PRKN: variants seen among roughly 807,000 people sequenced by gnomAD.
PRKN encodes parkin RBR E3 ubiquitin protein ligase.
Under a neutral mutation model 59.5 loss-of-function variants are expected in PRKN, and 56 were observed. The ratio of observed to expected loss-of-function variants is 0.94; its 90% CI spans 0.76 to 1.18. The LOEUF (loss-of-function observed/expected upper bound fraction) is 1.18, where lower values mean the gene tolerates loss of function less well. Ranked by LOEUF, PRKN falls within the 50% of genes most tolerant of loss-of-function variation. The pLI is 0.00. For missense variants in PRKN, 657 were observed against 596.4 expected, an observed-to-expected ratio of 1.10 and a Z score of -1.06; for synonymous variants, 250 against 222.1, an observed-to-expected ratio of 1.13 and a Z score of -1.12.
chr6:161,830,266 T>C (rs1583217879), intron 6 of PRKN, among the ~76,000 whole-genome samples: 1 of 151,924 alleles, frequency 6.6e-6, no homozygotes, highest in East Asian at 1.9e-4. Flanking sequence ...TGTTTTTTTT[T>C]TTTGAGATGG....
At chr6:162,204,262 T>C (rs962260032) in intron 3 of PRKN, among the ~76,000 whole-genome samples, 1 of 152,220 alleles carries the variant, frequency 6.6e-6, no homozygotes, top group Non-Finnish European at 1.5e-5. Context: ...CAATAAAAAA[T>C]ATTGGGGATT....
At chr6:162,309,514 C>A (rs560947320) in intron 2 of PRKN, among the ~76,000 whole-genome samples, 1 of 152,288 alleles carries the variant, frequency 6.6e-6, no homozygotes, top group Non-Finnish European at 1.5e-5. Flanking sequence ...ATAGGATCAG[C>A]TGCCTTCTTG....
chr6:162,631,797 G>A (rs1783118697), intron 1 of PRKN, among the ~76,000 whole-genome samples: 1 of 151,896 alleles, frequency 6.6e-6, no homozygotes, highest in African/African-American at 2.4e-5. Flanking sequence ...TTCCTAAGTT[G>A]TCTTTCAGAA....
chr6:162,019,227 T>A (rs937615829), intron 5 of PRKN, among the ~76,000 whole-genome samples: 2 of 152,184 alleles, frequency 1.3e-5, no homozygotes, highest in Admixed American at 6.5e-5. Flanking sequence ...AAGTGCCAAG[T>A]CTCTCCCTAA....
At chr6:161,365,960 ACCTGCAAGGATATG>A (rs1211284165) in intron 10 of PRKN, among the ~76,000 whole-genome samples, 3 of 152,202 alleles carry the variant, frequency 2.0e-5, no homozygotes, top group Non-Finnish European at 2.9e-5. Context: ...TTCTGTTTTC[ACCTGCAAGGATATG>A]TACCCTTATC....
At chr6:162,051,732 G>A (rs1290709882) in intron 5 of PRKN, among the ~76,000 whole-genome samples, 2 of 152,040 alleles carry the variant, frequency 1.3e-5, no homozygotes, top group Non-Finnish European at 2.9e-5. Flanking sequence ...CATCCTGGTG[G>A]GGCAGCTGCC....
At chr6:162,532,170 G>GTCTACAATCCCTAACAGAACCTTT (rs1778541445) in intron 1 of PRKN, among the ~76,000 whole-genome samples, 4 of 151,532 alleles carry the variant, frequency 2.6e-5, no homozygotes, top group South Asian at 2.1e-4. Context: ...CCTCTCTCCA[G>GTCTACAATCCCTAACAGAACCTTT]ATAGCACAAA....
At chr6:162,164,288 A>G (rs1455241975) in intron 4 of PRKN, among the ~76,000 whole-genome samples, 2 of 148,978 alleles carry the variant, frequency 1.3e-5, no homozygotes, top group African/African-American at 5.1e-5. Flanking sequence ...CAGTGGCACT[A>G]TCTCGGCTCT....
Position 161,353,425 on chromosome 6 carries a change from C to A in PRKN, c.1286-3214G>T, listed in dbSNP as rs1188706659. 8.5e-5 allele frequency among the ~76,000 whole-genome samples: 13 copies of A among 152,174 alleles called. No homozygotes were observed. ...GTGAGATCAAAGCCTTTCTGTCCCA[C>A]CGCATTTCAACACGGCTGTCCATGC... is the stretch of plus-strand genomic sequence containing the variant. On this transcript the variant is annotated intron_variant, in intron 11 of 11. Transcript: ENST00000366898. This position sits in a 1 kb window ranked among gnomAD's most constrained non-coding sequence, Gnocchi z 4.8.
At chr6:162,586,788 G>A (rs1343168852) in intron 1 of PRKN, among the ~76,000 whole-genome samples, 2 of 152,214 alleles carry the variant, frequency 1.3e-5, no homozygotes, top group African/African-American at 4.8e-5. Context: ...GAGAGAGACA[G>A]AATAAATTAG....
At chr6:161,519,181 C>T (rs907690468) in intron 9 of PRKN, among the ~76,000 whole-genome samples, 6 of 151,316 alleles carry the variant, frequency 4.0e-5, no homozygotes, top group Non-Finnish European at 7.4e-5. Flanking sequence ...CCTTTCCAAG[C>T]TGGGGAAGTA....
At chr6:161,509,333 A>G (rs149189995) in intron 9 of PRKN, among the ~76,000 whole-genome samples, 1 of 152,172 alleles carries the variant, frequency 6.6e-6, no homozygotes, top group East Asian at 1.9e-4. Context: ...CTGTTTATTC[A>G]TCCTCGCAGA....
At chr6:161,886,247 AATACAGATTT>A (rs1359449361) in intron 6 of PRKN, among the ~76,000 whole-genome samples, 1 of 152,242 alleles carries the variant, frequency 6.6e-6, no homozygotes, top group Non-Finnish European at 1.5e-5. Context: ...AATTCGACGA[AATACAGATTT>A]ACTGATAAAT....
chr6:162,519,702 T>G (rs918351420), intron 1 of PRKN, among the ~76,000 whole-genome samples: 27 of 152,216 alleles, frequency 1.8e-4, no homozygotes, highest in Admixed American at 1.4e-3. Context: ...TGGCACTTAG[T>G]CCAAATGCAT....
Position 161,635,932 on chromosome 6 carries a change from G to A in PRKN, c.872-66516C>T, listed in dbSNP as rs1044471398. On this transcript the variant is annotated intron_variant, in intron 7 of 11. Transcript: ENST00000366898. ...TTTGCAGGAGGGGAAGTGCTTGTAA[G>A]AGCCCACCAAGGGCTGAATGTGAAG... Among the ~76,000 whole-genome samples, 4 of 152,182 alleles carry A rather than the reference G, an allele frequency of 2.6e-5. No homozygotes were observed. The South Asian group carries it at 6.2e-4, about 24-fold the overall frequency.
intron 7 of PRKN, among the ~76,000 whole-genome samples, chr6:161,755,328 C>T (rs903992896): frequency 6.6e-6 from 1 of 152,026 alleles, no homozygotes; most frequent in Non-Finnish European, 1.5e-5. Flanking sequence ...CCTCCCTACA[C>T]TATCTCCATA....
At chr6:162,598,056 A>G (rs116473297) in intron 1 of PRKN, among the ~76,000 whole-genome samples, 3,639 of 152,324 alleles carry the variant, frequency 0.024, 169 homozygotes, top group African/African-American at 0.082. Flanking sequence ...AAATGAATTC[A>G]TTTCACTGTG....
At chr6:161,729,928 G>A (rs1787605130) in intron 7 of PRKN, among the ~76,000 whole-genome samples, 1 of 151,638 alleles carries the variant, frequency 6.6e-6, no homozygotes, top group South Asian at 2.1e-4. Flanking sequence ...GCTGCATTCT[G>A]ACATGTTGCA....
At chr6:161,426,200 A>C (rs930788182) in intron 9 of PRKN, among the ~76,000 whole-genome samples, 1 of 152,170 alleles carries the variant, frequency 6.6e-6, no homozygotes, top group African/African-American at 2.4e-5. Context: ...CTGCCCCTGA[A>C]TACCCAAAGG....
Sources: gnomAD v4.1 joint callset for allele counts (sites outside exome capture counted in the v4.1 genomes callset) on GRCh38, gnomAD v4.1.1 for gene constraint, Gnocchi (gnomAD v3.1) non-coding constraint, MANE v1.5 for transcripts, NCBI Gene and HGNC (gene_info 2026-07-23, HGNC 2026-07-21) for gene names.